The following ZAN variants were observed in gnomAD, a reference collection of about 807,000 sequenced individuals.
The protein encoded by ZAN is zonadhesin, also known as zonadhesin (gene/pseudogene).
ZAN carries 260 observed loss-of-function variants against 286.2 expected under a neutral mutation model. The ratio of observed to expected loss-of-function variants is 0.91; its 90% CI spans 0.82 to 1.01. The LOEUF (loss-of-function observed/expected upper bound fraction) is 1.01. Among genes scored for constraint, ZAN ranks in the 50% least tolerant of loss-of-function variants. ZAN has a pLI of 0.00. For missense variants in ZAN, 3,410 were observed against 3,639.2 expected, an observed-to-expected ratio of 0.94 and a Z score of 1.62; for synonymous variants, 1,368 against 1,417.5, an observed-to-expected ratio of 0.97 and a Z score of 0.79.
chr7:100,736,449 T>C, intron 3 of ZAN, 34 bp from the exon 4 acceptor site: 1 of 1,521,094 alleles, frequency 6.6e-7, no homozygotes, highest in Non-Finnish European at 9.0e-7. Flanking sequence ...GCCCCTGCCC[T>C]CTCTGAAACC....
At chr7:100,784,499 A>G in intron 35 of ZAN, 124 bp from the exon 36 acceptor site, 1 of 911,256 alleles carries the variant, frequency 1.1e-6, no homozygotes, top group Non-Finnish European at 1.6e-6. Context: ...AATGAATAAC[A>G]AAAGAACAAA....
chr7:100,767,865 T>G lies in ZAN; in HGVS notation c.4895T>G (p.Leu1632Arg), dbSNP rs1299116331. The change falls in exon 26 of 48, where the codon CTT becomes CGT. Residue 1632 changes from leucine to arginine, a missense_variant. Around this residue, in one of 7 missense-constraint regions of ZAN, gnomAD observed 1,042 missense variants for 1,058.0 expected, o/e 0.98. Coordinates refer to ENST00000613979, the MANE Select transcript of ZAN (RefSeq NM_003386.3). ...CATCGGGTGGCCCTACCTGTGTGGC[T>G]TGCACAAGGCCGGGTGACCATAAGG... ...NGHRVALPVW[L>R]AQGRVTIRLS... 2 of 1,613,806 alleles carry G rather than the reference T, an allele frequency of 1.2e-6. No homozygotes were observed. Among genetic ancestry groups the G allele is most frequent in the Non-Finnish European group, 1.7e-6 (2 of 1,179,854 alleles).
chr7:100,750,505 C>T (rs1562922168), intron 11 of ZAN, 120 bp from the exon 12 acceptor site: 5 of 1,226,248 alleles, frequency 4.1e-6, no homozygotes, highest in African/African-American at 1.5e-5. Context: ...AATAATGCTA[C>T]GACCTGGGAA....
At chr7:100,742,047 G>A (rs1807828987) in intron 7 of ZAN, among the ~76,000 whole-genome samples, 1 of 34,358 alleles carries the variant, frequency 2.9e-5, no homozygotes, top group African/African-American at 1.1e-4. Flanking sequence ...GCTGCTGGGC[G>A]GAGAGGCTCC....
intron 16 of ZAN, 76 bp from the exon 17 acceptor site, chr7:100,758,455 C>A (rs910621430): frequency 3.2e-6 from 5 of 1,557,036 alleles, no homozygotes; most frequent in Non-Finnish European, 4.4e-6. Flanking sequence ...CACCGGGCAG[C>A]GGGTGGGCCA....
At chr7:100,791,191 T>A in intron 40 of ZAN, 78 bp downstream of exon 40, 1 of 1,504,152 alleles carries the variant, frequency 6.6e-7, no homozygotes, top group Non-Finnish European at 8.9e-7. Flanking sequence ...CCTCCTGTCC[T>A]CAGGAGAGGA....
At chr7:100,753,502 T>C (rs565465620) in intron 14 of ZAN, among the ~76,000 whole-genome samples, 2 of 152,182 alleles carry the variant, frequency 1.3e-5, no homozygotes, top group Middle Eastern at 3.4e-3. Flanking sequence ...ATATAATCCA[T>C]ATTTCATAAA....
At chr7:100,784,130 C>CTT (rs35784170) in intron 35 of ZAN, among the ~76,000 whole-genome samples, 21 of 119,122 alleles carry the variant, frequency 1.8e-4, no homozygotes, top group Admixed American at 2.8e-4. Flanking sequence ...ATTCTTGTTC[C>CTT]TTTTTTTTTT....
At chr7:100,766,948 C>A in intron 24 of ZAN, 62 bp from the exon 25 acceptor site, 2 of 1,595,744 alleles carry the variant, frequency 1.3e-6, no homozygotes, top group Non-Finnish European at 1.7e-6. Flanking sequence ...GATGGCAGCT[C>A]TGAGTCAAAG....
Position 100,750,881 on chromosome 7 carries a change from C to T in ZAN, c.1506C>T (p.His502=), listed in dbSNP as rs966138230. The T allele has an allele frequency of 1.9e-6, 3 of 1,552,264 alleles. No homozygotes were observed. The African/African-American group carries it at 4.1e-5, about 21-fold the overall frequency. The part of the protein sequence containing the change: ...QNTSVTVPSG[H]QQPMQLIFKG... ...CCTCCGTCACCGTCCCCTCAGGACA[C>T]CAACAGCCCATGCAGGTGAGAGACG... is the stretch of plus-strand genomic sequence containing the variant. The change falls in exon 12 of 48, where the codon CAC becomes CAT. Residue 502 remains histidine (H), a synonymous_variant. Coordinates refer to ENST00000613979, the MANE Select transcript of ZAN (RefSeq NM_003386.3).
rs1180485807 is a variant in ZAN at position 100,749,492 on chromosome 7, T to G, written c.1249+1022T>G. ...CGTCCCTACTAAAAACACAAAAAAT[T>G]AGCCAGGCATGGTGGTGGGCGCCTG... On this transcript the variant is annotated intron_variant, in intron 11 of 47. Coordinates refer to ENST00000613979, the MANE Select transcript of ZAN (RefSeq NM_003386.3). 2.0e-5 allele frequency among the ~76,000 whole-genome samples: 3 copies of G among 148,202 alleles called. No homozygotes were observed. In the East Asian group the frequency reaches 6.1e-4, roughly 30 times the overall value.
chr7:100,739,007 CTTCT>C (rs1470720255), intron 7 of ZAN, among the ~76,000 whole-genome samples: 1 of 76,758 alleles, frequency 1.3e-5, no homozygotes, highest in African/African-American at 3.8e-5. Flanking sequence ...CCTTCTCCTT[CTTCT>C]TTTTCTTTTT....
At position 100,752,763 on chromosome 7, in the gene ZAN, C is replaced by A. The variant is rs2115845535; in HGVS notation, c.2658C>A (p.Thr886=). Residue 886 remains threonine (T), a synonymous_variant, in exon 14 of 48, where the codon ACC becomes ACA. Transcript: ENST00000613979. ...TCACCATCCCCACGGAAAAACCCAC[C>A]ATCCCCATTGAAGAGACTACCATCT... The part of the protein sequence containing the change: ...EKLTIPTEKP[T]IPIEETTIST... 4 of 1,542,136 alleles carry A rather than the reference C, an allele frequency of 2.6e-6. No individual in the cohort carries two copies. In the East Asian group the frequency reaches 9.5e-5, roughly 37 times the overall value.
chr7:100,736,511 T>C lies in ZAN; in HGVS notation c.135T>C (p.Asp45=), dbSNP rs1807300673. The change falls in exon 4 of 48, where the codon GAT becomes GAC. Residue 45 remains aspartate (D), a synonymous_variant. Coordinates refer to ENST00000613979, the MANE Select transcript of ZAN (RefSeq NM_003386.3). The part of the protein sequence containing the change: ...NYVLTQCDFE[D]DAKPLCDWSQ... ...TCCTCACCCAGTGTGATTTTGAGGA[T>C]GACGCCAAACCCCTCTGTGACTGGT... The C allele has an allele frequency of 6.6e-7, 1 of 1,524,182 alleles. No homozygotes were observed. 94.4% of individuals were successfully genotyped at this position (1,524,182 alleles called of 1,614,324 possible). A position where few individuals can be genotyped will look rare whatever the true frequency, so the allele number is the denominator to read the frequency against.
At chr7:100,760,692 G>A (rs964582166) in intron 19 of ZAN, among the ~76,000 whole-genome samples, 156 bp downstream of exon 19, 2 of 152,208 alleles carry the variant, frequency 1.3e-5, no homozygotes, top group African/African-American at 4.8e-5. Context: ...CCCTGCTTAA[G>A]TGGCAGGGAT....
rs538960754 is a variant in ZAN at position 100,768,615 on chromosome 7, TACA to T, written c.5057_5059del (p.Asn1686del). 5.3e-5 allele frequency: 85 copies of T among 1,606,170 alleles called. 1 individual carries two copies. The African/African-American group carries it at 6.3e-4, about 12-fold the overall frequency. On this transcript the variant is annotated inframe_deletion, in exon 27 of 48. Coordinates refer to ENST00000613979, the MANE Select transcript of ZAN (RefSeq NM_003386.3). ...TTAATGACTCCCTCCTCTAGGGAAC[TACA>T]ACAACAACAGCTTGGATGACAACCT...
At chr7:100,791,527 C>T in intron 40 of ZAN, among the ~76,000 whole-genome samples, 1 of 151,954 alleles carries the variant, frequency 6.6e-6, no homozygotes. Context: ...GTGCCTCAGC[C>T]TCCCAAGTAG....
chr7:100,766,562 T>C lies in ZAN; in HGVS notation c.4508T>C (p.Leu1503Ser). The part of the protein sequence containing the change: ...ERWYKPGCKE[L>S]CVCESNNRIR... ...TGGTACAAGCCAGGCTGCAAAGAGT[T>C]GTGCGTCTGTGAAAGCAACAACAGA... Residue 1503 changes from leucine to serine, a missense_variant, in exon 24 of 48, where the codon TTG (leucine) becomes TCG (serine). By Grantham distance (145) the Leu-to-Ser change is moderately radical. Around this residue, in one of 7 missense-constraint regions of ZAN, gnomAD observed 1,042 missense variants for 1,058.0 expected, o/e 0.98. Coordinates refer to ENST00000613979, the MANE Select transcript of ZAN (RefSeq NM_003386.3). 5 of 1,552,010 alleles carry C rather than the reference T, an allele frequency of 3.2e-6. No homozygotes were observed. The highest frequency in any genetic ancestry group is 4.4e-6 in the Non-Finnish European group (5 of 1,147,166).
rs765437399 is a variant in ZAN at position 100,773,840 on chromosome 7, T to C, written c.5754T>C (p.Asp1918=). ...CKPNQICWAL[D]GLLHCRASGV... ...CCAACCAGATATGCTGGGCCCTGGA[T>C]GGGCTGCTCCATTGTCGGGCCTCAG... Residue 1918 remains aspartate (D), a synonymous_variant, in exon 31 of 48, where the codon GAT becomes GAC. Coordinates refer to ENST00000613979, the MANE Select transcript of ZAN (RefSeq NM_003386.3). The C allele has an allele frequency of 1.3e-6, 2 of 1,548,044 alleles. No homozygotes were observed. The highest frequency in any genetic ancestry group is 1.7e-6 in the Non-Finnish European group (2 of 1,151,260).
Sources: allele counts gnomAD v4.1 joint callset (sites outside exome capture counted in the v4.1 genomes callset), GRCh38; gene constraint gnomAD v4.1.1; regional missense constraint gnomAD v4.1.1; transcripts MANE v1.5; gene names NCBI Gene and HGNC (gene_info 2026-07-23, HGNC 2026-07-21).